Variants in UBE3C observed in about 807,000 individuals in gnomAD.
The protein encoded by UBE3C is ubiquitin protein ligase E3C.
A neutral mutation model predicts 129.4 loss-of-function variants in UBE3C; 42 were observed. That is an observed-to-expected ratio of 0.32 (90% CI 0.25 to 0.42). The LOEUF (loss-of-function observed/expected upper bound fraction) is 0.42. UBE3C is among the 10% of genes least tolerant of loss of function. UBE3C has a pLI of 1.00. For missense variants in UBE3C, 1,049 were observed against 1,319.1 expected (o/e 0.80, Z 3.17); for synonymous variants, 510 against 492.4 (o/e 1.04, Z -0.47).
At chr7:157,244,239 AAAAG>A (rs1416870982) in intron 18 of UBE3C, among the ~76,000 whole-genome samples, 10 of 152,178 alleles carry the variant, frequency 6.6e-5, no homozygotes, top group African/African-American at 2.2e-4. Flanking sequence ...GTCTCGAAAA[AAAAG>A]AAAGAAAGAT....
intron 11 of UBE3C, among the ~76,000 whole-genome samples, chr7:157,206,762 A>T (rs1334961337): frequency 7.0e-6 from 1 of 142,376 alleles, no homozygotes; most frequent in Admixed American, 7.1e-5. Context: ...CTGGCTAATT[A>T]ATTTAATATA....
At chr7:157,145,075 G>C (rs1236672762) in intron 1 of UBE3C, among the ~76,000 whole-genome samples, 1 of 152,094 alleles carries the variant, frequency 6.6e-6, no homozygotes, top group African/African-American at 2.4e-5. Context: ...TTTGAGACCA[G>C]CCTGGCCAAC....
intron 18 of UBE3C, among the ~76,000 whole-genome samples, chr7:157,240,608 AG>A (rs1442549604): frequency 6.6e-6 from 1 of 152,192 alleles, no homozygotes; most frequent in African/African-American, 2.4e-5. Context: ...ACTATAATAA[AG>A]GGTGAATTGG....
At position 157,153,122 on chromosome 7, in the gene UBE3C, A is replaced by G. The variant is rs1015069299; in HGVS notation, c.67-10688A>G. 4.6e-5 allele frequency among the ~76,000 whole-genome samples: 7 copies of G among 152,110 alleles called. No individual in the cohort carries two copies. The South Asian group carries it at 1.5e-3, about 32-fold the overall frequency. On this transcript the variant is annotated intron_variant, in intron 1 of 22. Transcript: ENST00000348165. ...GAGGCCGGAGAATGGCTTGAACCCC[A>G]GGGGAGCAGAGGTTGCAGTGAGCAG...
intron 5 of UBE3C, among the ~76,000 whole-genome samples, chr7:157,176,675 A>G (rs1445387098): frequency 6.6e-6 from 1 of 152,186 alleles, no homozygotes; most frequent in Non-Finnish European, 1.5e-5. Flanking sequence ...TGTGTGACAG[A>G]TGACTTTTAA....
chr7:157,217,089 T>C (rs1301011635), intron 14 of UBE3C, 118 bp downstream of exon 14: 2 of 744,528 alleles, frequency 2.7e-6, no homozygotes, highest in Non-Finnish European at 4.3e-6. Context: ...TATGACTAAA[T>C]AGTAATGATA....
chr7:157,161,280 C>CT (rs1009903204), intron 1 of UBE3C, among the ~76,000 whole-genome samples: 4 of 151,920 alleles, frequency 2.6e-5, no homozygotes, highest in Non-Finnish European at 5.9e-5. Flanking sequence ...TTTTCTTTGT[C>CT]TAAAATTAGT....
chr7:157,257,127 T>G, intron 22 of UBE3C, 83 bp downstream of exon 22: 2 of 1,538,584 alleles, frequency 1.3e-6, no homozygotes, highest in Non-Finnish European at 1.8e-6. Flanking sequence ...TTAAATGAAG[T>G]CCTTTTACAT....
intron 10 of UBE3C, chr7:157,197,506 TTTG>T: frequency 1.2e-5 from 10 of 816,478 alleles, no homozygotes; most frequent in Non-Finnish European, 1.4e-5. Context: ...ATAAAAATAA[TTTG>T]TTTTTTTTTT....
chr7:157,190,177 C>A (rs1808917183), intron 10 of UBE3C, among the ~76,000 whole-genome samples: 1 of 152,184 alleles, frequency 6.6e-6, no homozygotes, highest in African/African-American at 2.4e-5. Context: ...TAGTGACTCT[C>A]ACATTTGTGT....
intron 14 of UBE3C, among the ~76,000 whole-genome samples, chr7:157,219,943 G>A (rs574436358): frequency 6.6e-6 from 1 of 152,024 alleles, no homozygotes; most frequent in Non-Finnish European, 1.5e-5. Context: ...GGGTGTGGTG[G>A]CTCACGCCTG....
At chr7:157,141,655 G>T (rs990731366) in intron 1 of UBE3C, among the ~76,000 whole-genome samples, 1 of 152,220 alleles carries the variant, frequency 6.6e-6, no homozygotes, top group Non-Finnish European at 1.5e-5. Flanking sequence ...GTTGTCGACA[G>T]ACTGAGAGGT....
At chr7:157,171,450 A>G (rs1459648923) in intron 4 of UBE3C, among the ~76,000 whole-genome samples, 2 of 151,834 alleles carry the variant, frequency 1.3e-5, no homozygotes, top group Non-Finnish European at 2.9e-5. Context: ...GTTTTTAAAA[A>G]AAATCCCAAA....
intron 22 of UBE3C, among the ~76,000 whole-genome samples, chr7:157,266,457 C>G (rs1490686455): frequency 6.6e-6 from 1 of 152,168 alleles, no homozygotes; most frequent in Admixed American, 6.5e-5. Flanking sequence ...GTATGCTTCC[C>G]ATTCCCTTAA....
intron 18 of UBE3C, among the ~76,000 whole-genome samples, chr7:157,245,923 G>A (rs963420292): frequency 6.0e-5 from 9 of 149,226 alleles, no homozygotes; most frequent in South Asian, 2.1e-4. Flanking sequence ...CTCGGGAGGC[G>A]GAGGCTGCAG....
chr7:157,166,727 C>T (rs115943567), intron 2 of UBE3C, among the ~76,000 whole-genome samples: 15,605 of 122,704 alleles, frequency 0.13, 1,049 homozygotes, highest in Non-Finnish European at 0.15. Context: ...AGTGAAACTC[C>T]GTCTCAAAAA....
At chr7:157,262,661 TCCAC>T (rs1796952448) in intron 22 of UBE3C, among the ~76,000 whole-genome samples, 1 of 152,126 alleles carries the variant, frequency 6.6e-6, no homozygotes, top group Non-Finnish European at 1.5e-5. Flanking sequence ...CCTCCGGTGA[TCCAC>T]CCACCTCAGC....
chr7:157,224,443 C>T (rs185263875), intron 16 of UBE3C, among the ~76,000 whole-genome samples: 1 of 152,094 alleles, frequency 6.6e-6, no homozygotes, highest in East Asian at 1.9e-4. Flanking sequence ...ATCTGCCTGC[C>T]CCAGCCTCCC....
intron 22 of UBE3C, among the ~76,000 whole-genome samples, chr7:157,258,301 A>T (rs572050816): frequency 1.3e-4 from 20 of 152,216 alleles, no homozygotes; most frequent in African/African-American, 3.4e-4. Context: ...CTGCACACTC[A>T]TGTAGTCCCA....
Sources: allele counts gnomAD v4.1 joint callset (sites outside exome capture counted in the v4.1 genomes callset), GRCh38; gene constraint gnomAD v4.1.1; transcripts MANE v1.5; gene names NCBI Gene and HGNC (gene_info 2026-07-23, HGNC 2026-07-21).